FSHR: variants seen among roughly 807,000 people sequenced by gnomAD.
FSHR encodes the protein follicle-stimulating hormone receptor.
FSHR carries 46 observed loss-of-function variants against 52.1 expected under a neutral mutation model. The ratio of observed to expected loss-of-function variants is 0.88; its 90% CI spans 0.70 to 1.13. The LOEUF (loss-of-function observed/expected upper bound fraction) is 1.13. Among genes scored for constraint, FSHR ranks in the 50% most tolerant of loss-of-function variants. FSHR has a pLI of 0.00. For synonymous variants in FSHR, 399 were observed against 309.6 expected, an observed-to-expected ratio of 1.29 and a Z score of -3.03; for missense variants, 964 against 834.6, an observed-to-expected ratio of 1.16 and a Z score of -1.91.
At position 48,983,131 on chromosome 2, in the gene FSHR, T is replaced by C. The variant is rs1340698773; in HGVS notation, c.560A>G (p.Asn187Ser). 1 of 1,614,172 alleles carries C rather than the reference T, an allele frequency of 6.2e-7. No homozygotes were observed. The highest frequency in any genetic ancestry group is 1.1e-5 in the South Asian group (1 of 91,082). The change falls in exon 7 of 10, where the codon AAC becomes AGC. Residue 187 changes from asparagine to serine, a missense_variant. Transcript: ENST00000406846. ...TAGTTGGGTTCCATTGAATGCACAG[T>C]TGTGTATTTCTTGAATCCCATTCTT... The part of the protein sequence containing the change: ...LNKNGIQEIH[N>S]CAFNGTQLDE...
intron 8 of FSHR, among the ~76,000 whole-genome samples, chr2:48,974,773 G>C (rs1027919666): frequency 3.7e-4 from 56 of 152,092 alleles, no homozygotes; most frequent in Non-Finnish European, 8.8e-5. Context: ...GGACAAAGAT[G>C]AGATAAGTAG....
At chr2:49,030,619 C>T (rs17038087) in intron 2 of FSHR, among the ~76,000 whole-genome samples, 37,058 of 152,074 alleles carry the variant, frequency 0.24, 5,259 homozygotes, top group East Asian at 0.42. Context: ...TTGAGTCACA[C>T]TGATGGTCTT....
intron 4 of FSHR, among the ~76,000 whole-genome samples, chr2:49,010,586 T>C (rs1440645746): frequency 6.6e-6 from 1 of 151,496 alleles, no homozygotes; most frequent in Non-Finnish European, 1.5e-5. Flanking sequence ...TTGATTGGAA[T>C]AGTTTCAGAA....
rs111764581 is a variant in FSHR, at chr2:49,032,397, G to A, written c.225-12237C>T. Among the ~76,000 whole-genome samples, 434 of 152,256 alleles carry A rather than the reference G, an allele frequency of 2.9e-3. 1 individual carries two copies. Among genetic ancestry groups the A allele is most frequent in the African/African-American group, 9.8e-3 (409 of 41,550 alleles). ...GGCTCTCAATTTTTATTTAGTTGGAGGGAGCAAGAATTAACAATACTGTAG... is the reference window on the plus strand; with the variant it reads ...GGCTCTCAATTTTTATTTAGTTGGAAGGAGCAAGAATTAACAATACTGTAG... On this transcript the variant is annotated intron_variant, in intron 2 of 9. Transcript: ENST00000406846.
chr2:49,055,212 A>G, intron 2 of FSHR, among the ~76,000 whole-genome samples: 1 of 151,956 alleles, frequency 6.6e-6, no homozygotes, highest in Non-Finnish European at 1.5e-5. Context: ...CAGAAATCTT[A>G]CAGCTTAAAA....
At position 49,027,537 on chromosome 2, in the gene FSHR, A is replaced by G. The variant is rs565098921; in HGVS notation, c.225-7377T>C. On this transcript the variant is annotated intron_variant, in intron 2 of 9. Transcript: ENST00000406846. ...ATAATTATTTGGGAAAGCAAATGGA[A>G]TTGAAAGAAGATGAGAAAATGTGAA... is the stretch of plus-strand genomic sequence containing the variant. 1.7e-4 allele frequency among the ~76,000 whole-genome samples: 26 copies of G among 152,258 alleles called. No individual in the cohort carries two copies. In the South Asian group the frequency reaches 5.4e-3, roughly 32 times the overall value.
chr2:49,026,215 A>G (rs1667906028), intron 2 of FSHR, among the ~76,000 whole-genome samples: 1 of 152,224 alleles, frequency 6.6e-6, no homozygotes, highest in Admixed American at 6.5e-5. Flanking sequence ...ACTTGGTTTC[A>G]AATACATCAA....
At chr2:49,052,460 C>G (rs564191661) in intron 2 of FSHR, among the ~76,000 whole-genome samples, 34 of 152,322 alleles carry the variant, frequency 2.2e-4, no homozygotes, top group African/African-American at 7.7e-4. Context: ...TTAGAATCAT[C>G]AAGGGAGCTT....
At chr2:49,017,411 G>A in intron 4 of FSHR, 78 bp downstream of exon 4, 2 of 1,078,506 alleles carry the variant, frequency 1.9e-6, no homozygotes, top group Non-Finnish European at 1.4e-6. Context: ...GCTCCCCAGA[G>A]TATCAAGTAG....
At chr2:49,095,306 G>A (rs751397685) in intron 1 of FSHR, among the ~76,000 whole-genome samples, 1 of 152,128 alleles carries the variant, frequency 6.6e-6, no homozygotes, top group Non-Finnish European at 1.5e-5. Flanking sequence ...AGAATTGAGA[G>A]TCCGGAAATA....
rs567861473 is a variant in FSHR, at chr2:49,084,228, C to T, written c.153-15938G>A. ...GCTCAACTACATGGAAACTGAACAA[C>T]CTGCCCCTGAATGACTACTGGGTAC... On this transcript the variant is annotated intron_variant, in intron 1 of 9. Transcript: ENST00000406846. 4.6e-3 allele frequency among the ~76,000 whole-genome samples: 650 copies of T among 142,272 alleles called. 2 individuals are homozygous for T. Among genetic ancestry groups the T allele is most frequent in the Non-Finnish European group, 7.6e-3 (492 of 64,472 alleles). The allele number at this position is 142,272 out of a possible 152,430, so 93.3% of individuals were successfully genotyped here.
intron 4 of FSHR, among the ~76,000 whole-genome samples, chr2:49,013,669 G>T (rs920270818): frequency 6.6e-6 from 1 of 151,436 alleles, no homozygotes; most frequent in Non-Finnish European, 1.5e-5. Context: ...AAAGCCTTAA[G>T]ATAGACAACT....
At chr2:49,012,317 T>A (rs1034620523) in intron 4 of FSHR, among the ~76,000 whole-genome samples, 1 of 152,094 alleles carries the variant, frequency 6.6e-6, no homozygotes, top group African/African-American at 2.4e-5. Context: ...GAAAGAAATA[T>A]TGCCTGTAAA....
At chr2:49,021,886 T>TATATATATATATATATATAGAGAGAG (rs1273265515) in intron 2 of FSHR, among the ~76,000 whole-genome samples, 1 of 25,122 alleles carries the variant, frequency 4.0e-5, no homozygotes. Flanking sequence ...TATATATATA[T>TATATATATATATATATATAGAGAGAG]AGAGAGAGAG....
chr2:48,965,432 G>A (rs1432318660), intron 9 of FSHR, among the ~76,000 whole-genome samples: 3 of 152,246 alleles, frequency 2.0e-5, no homozygotes, highest in South Asian at 4.1e-4. Flanking sequence ...GAATGGAAAC[G>A]GAGCCCAGAA....
chr2:48,964,542 G>T (rs1220773045), intron 9 of FSHR, among the ~76,000 whole-genome samples: 2 of 152,164 alleles, frequency 1.3e-5, no homozygotes, highest in African/African-American at 4.8e-5. Flanking sequence ...TGTTACCAGG[G>T]TCTTTCCTGT....
At chr2:49,024,595 A>G (rs1303008925) in intron 2 of FSHR, among the ~76,000 whole-genome samples, 1 of 152,202 alleles carries the variant, frequency 6.6e-6, no homozygotes, top group Non-Finnish European at 1.5e-5. Context: ...CAATAAAAAT[A>G]AAAGAATAAG....
chr2:49,018,240 C>T (rs1473128756), intron 3 of FSHR, among the ~76,000 whole-genome samples: 3 of 152,172 alleles, frequency 2.0e-5, no homozygotes, highest in African/African-American at 7.2e-5. Flanking sequence ...AAAGGGGTGA[C>T]TTCTGCCCTA....
At chr2:49,060,821 C>CCG (rs1269491331) in intron 2 of FSHR, among the ~76,000 whole-genome samples, 1 of 151,814 alleles carries the variant, frequency 6.6e-6, no homozygotes, top group Non-Finnish European at 1.5e-5. Context: ...CACTCCCCCC[C>CCG]GGCCCAAACT....
Sources: gnomAD v4.1 joint callset for allele counts (sites outside exome capture counted in the v4.1 genomes callset) on GRCh38, gnomAD v4.1.1 for gene constraint, MANE v1.5 for transcripts, NCBI Gene and HGNC (gene_info 2026-07-23, HGNC 2026-07-21) for gene names.